CTNNA2: variants seen among roughly 807,000 people sequenced by gnomAD.
CTNNA2 encodes catenin alpha-2.
A neutral mutation model predicts 101.0 loss-of-function variants in CTNNA2; 42 were observed. That is an observed-to-expected ratio of 0.42 (90% confidence interval 0.32 to 0.54). CTNNA2 has a LOEUF of 0.54. Ranked by LOEUF, CTNNA2 falls within the 20% of genes least tolerant of loss-of-function variation. The probability of loss-of-function intolerance (pLI) is 0.14; values close to 1 mark genes in which losing one functional copy is unlikely to be tolerated. For synonymous variants in CTNNA2, 450 were observed against 456.4 expected (o/e 0.99, Z 0.18); for missense variants, 871 against 1,223.1 (o/e 0.71, Z 4.29).
chr2:79,558,237 A>G (rs1429972060), intron 1 of CTNNA2, among the ~76,000 whole-genome samples: 1 of 151,956 alleles, frequency 6.6e-6, no homozygotes, highest in East Asian at 1.9e-4. Context: ...ATCTTTTTAC[A>G]GATTGATTCT....
chr2:80,273,824 T>C (rs1007833115), intron 7 of CTNNA2, among the ~76,000 whole-genome samples: 2 of 152,084 alleles, frequency 1.3e-5, no homozygotes, highest in African/African-American at 4.8e-5. Flanking sequence ...CCCTCTTTCT[T>C]ATGCTACCTT....
At chr2:79,340,464 T>A (rs1677102538) in intron 3 of CTNNA2, among the ~76,000 whole-genome samples, 1 of 152,114 alleles carries the variant, frequency 6.6e-6, no homozygotes, top group Admixed American at 6.6e-5. Flanking sequence ...GCAATGACAG[T>A]TCTGAACTCT....
At chr2:79,771,523 T>G (rs562809919) in intron 3 of CTNNA2, among the ~76,000 whole-genome samples, 6 of 152,330 alleles carry the variant, frequency 3.9e-5, no homozygotes, top group African/African-American at 1.4e-4. Context: ...TTCCTGCAAC[T>G]GGATGGCCCC....
chr2:79,238,547 A>G (rs1674585641), intron 2 of CTNNA2, among the ~76,000 whole-genome samples: 1 of 152,252 alleles, frequency 6.6e-6, no homozygotes, highest in Non-Finnish European at 1.5e-5. Flanking sequence ...TTCAATTTGT[A>G]TTAAAAAAAG....
chr2:79,263,059 A>T (rs1322572766), intron 2 of CTNNA2, among the ~76,000 whole-genome samples: 1 of 152,228 alleles, frequency 6.6e-6, no homozygotes, highest in Non-Finnish European at 1.5e-5. Context: ...GTAGTCTATA[A>T]GATACAAGGA....
At chr2:80,561,827 A>ATTTTTTTT (rs368503035) in intron 12 of CTNNA2, among the ~76,000 whole-genome samples, 6 of 123,578 alleles carry the variant, frequency 4.9e-5, no homozygotes, top group Non-Finnish European at 6.8e-5. Context: ...CGCCTGGCTA[A>ATTTTTTTT]TTTTTTTTTT....
At chr2:79,862,008 A>G (rs1261251348) in intron 4 of CTNNA2, among the ~76,000 whole-genome samples, 1 of 152,216 alleles carries the variant, frequency 6.6e-6, no homozygotes, top group African/African-American at 2.4e-5. Context: ...GGAATCCTGC[A>G]TGTCAATCAG....
intron 12 of CTNNA2, among the ~76,000 whole-genome samples, chr2:80,559,409 A>G (rs1365743522): frequency 6.6e-6 from 1 of 152,160 alleles, no homozygotes; most frequent in Non-Finnish European, 1.5e-5. Flanking sequence ...CCACTTTACC[A>G]CTTGGCTGCC....
chr2:79,808,796 T>TC (rs151323666), intron 3 of CTNNA2, among the ~76,000 whole-genome samples: 21,501 of 151,996 alleles, frequency 0.14, 1,559 homozygotes, highest in Admixed American at 0.18. Flanking sequence ...CATCATCTTT[T>TC]TTTTTTATTA....
At chr2:79,216,742 T>G (rs1200413901) in intron 2 of CTNNA2, among the ~76,000 whole-genome samples, 1 of 122,224 alleles carries the variant, frequency 8.2e-6, no homozygotes, top group Non-Finnish European at 1.6e-5. Context: ...TACTTGCAGC[T>G]AAGGGTGAAG....
intron 3 of CTNNA2, among the ~76,000 whole-genome samples, chr2:79,763,326 A>G (rs962206938): frequency 2.0e-5 from 3 of 152,114 alleles, no homozygotes; most frequent in African/African-American, 7.2e-5. Context: ...ACAGACCCTG[A>G]TATTTTTCTT....
intron 1 of CTNNA2, among the ~76,000 whole-genome samples, chr2:79,611,053 T>C (rs1467301599): frequency 1.3e-5 from 2 of 152,120 alleles, no homozygotes; most frequent in Non-Finnish European, 2.9e-5. Flanking sequence ...TATGAAAGTT[T>C]CAGATAAACA....
chr2:79,965,947 AAAAAT>A (rs1297151226), intron 7 of CTNNA2, among the ~76,000 whole-genome samples: 1 of 152,090 alleles, frequency 6.6e-6, no homozygotes, highest in Non-Finnish European at 1.5e-5. Context: ...TGAAACATCT[AAAAAT>A]AAAATAATTA....
intron 3 of CTNNA2, among the ~76,000 whole-genome samples, chr2:79,829,719 TA>T: frequency 6.9e-6 from 1 of 144,522 alleles, no homozygotes; most frequent in Admixed American, 6.8e-5. Flanking sequence ...TTTATTTATT[TA>T]TTTATTTATT....
intron 7 of CTNNA2, among the ~76,000 whole-genome samples, chr2:79,926,201 G>A (rs1161025160): frequency 1.3e-5 from 2 of 151,996 alleles, no homozygotes; most frequent in African/African-American, 2.4e-5. Flanking sequence ...TACTCCACAG[G>A]GTTTCCTTCA....
intron 2 of CTNNA2, among the ~76,000 whole-genome samples, chr2:79,276,323 T>C (rs773210400): frequency 2.0e-5 from 3 of 152,116 alleles, no homozygotes; most frequent in Non-Finnish European, 2.9e-5. Context: ...AGTTTGAAAG[T>C]TGTGCTAAAA....
At chr2:79,450,395 T>A (rs1678877182) in intron 4 of CTNNA2, among the ~76,000 whole-genome samples, 1 of 152,054 alleles carries the variant, frequency 6.6e-6, no homozygotes. Context: ...GGATTCTTTG[T>A]CTTTTCTTAT....
At chr2:79,218,076 C>T (rs1674290070) in intron 2 of CTNNA2, among the ~76,000 whole-genome samples, 1 of 152,228 alleles carries the variant, frequency 6.6e-6, no homozygotes, top group African/African-American at 2.4e-5. Context: ...GCCTCCCATG[C>T]TTCCTCCATT....
intron 8 of CTNNA2, among the ~76,000 whole-genome samples, chr2:80,409,908 A>G (rs1679413042): frequency 6.6e-6 from 1 of 152,202 alleles, no homozygotes; most frequent in South Asian, 2.1e-4. Flanking sequence ...AAAGGCAAAT[A>G]AGAGAACTTT....
Sources: gnomAD v4.1 joint callset for allele counts (sites outside exome capture counted in the v4.1 genomes callset) on GRCh38, gnomAD v4.1.1 for gene constraint, MANE v1.5 for transcripts, NCBI Gene and HGNC (gene_info 2026-07-23, HGNC 2026-07-21) for gene names.